The following ROBO2 variants were observed in gnomAD, a reference collection of about 807,000 sequenced individuals.
The protein encoded by ROBO2 is roundabout homolog 2.
Under a neutral mutation model 160.8 loss-of-function variants are expected in ROBO2, and 53 were observed. That is an observed-to-expected ratio of 0.33 (90% CI 0.26 to 0.41). The LOEUF (loss-of-function observed/expected upper bound fraction) is 0.41. ROBO2 is among the 10% of genes least tolerant of loss of function. The probability of loss-of-function intolerance (pLI) is 1.00; values close to 1 mark genes in which losing one functional copy is unlikely to be tolerated. For synonymous variants in ROBO2, 664 were observed against 611.7 expected (o/e 1.09, Z -1.26); for missense variants, 1,577 against 1,722.4 (o/e 0.92, Z 1.49).
chr3:75,958,344 T>C (rs1333360402), intron 2 of ROBO2, among the ~76,000 whole-genome samples: 1 of 151,846 alleles, frequency 6.6e-6, no homozygotes, highest in African/African-American at 2.4e-5. Flanking sequence ...GGCAGCACTC[T>C]TATAGGAATA....
rs1318082985 is a variant in ROBO2, at chr3:76,962,638, C to CAAAA, written c.110-135375_110-135374insAAAA. On this transcript the variant is annotated intron_variant, in intron 2 of 26. Coordinates refer to the ROBO2 transcript ENST00000487694. ...GGGCAACAAGAGTGAAACTCGATCT[C>CAAAA]AGAAAAAAAAAAAAAAAAAAAAGCT... Among the ~76,000 whole-genome samples the CAAAA allele has an allele frequency of 6.8e-3, 343 of 50,132 alleles. 33 individuals are homozygous for CAAAA. Among genetic ancestry groups the CAAAA allele is most frequent in the African/African-American group, 0.014 (121 of 8,704 alleles). 32.9% of individuals were successfully genotyped at this position (50,132 alleles called of 152,430 possible). A position where few individuals can be genotyped will look rare whatever the true frequency, so the allele number is the denominator to read the frequency against.
intron 2 of ROBO2, among the ~76,000 whole-genome samples, chr3:76,815,859 C>G (rs2065625333): frequency 6.6e-6 from 1 of 152,026 alleles, no homozygotes; most frequent in Non-Finnish European, 1.5e-5. Flanking sequence ...CAAGGCTGCA[C>G]TTTTCCAGAG....
chr3:77,130,723 G>A (rs1293559013), intron 2 of ROBO2, among the ~76,000 whole-genome samples: 1 of 151,994 alleles, frequency 6.6e-6, no homozygotes, highest in Non-Finnish European at 1.5e-5. Flanking sequence ...TTCAATGCTT[G>A]GTATATATGT....
At chr3:77,456,482 T>A (rs1164930666) in intron 2 of ROBO2, among the ~76,000 whole-genome samples, 1 of 152,166 alleles carries the variant, frequency 6.6e-6, no homozygotes, top group Non-Finnish European at 1.5e-5. Context: ...GTGCTGGATT[T>A]TGTGTGCAAA....
chr3:77,025,075 G>T (rs1183228833), intron 2 of ROBO2, among the ~76,000 whole-genome samples: 1 of 152,008 alleles, frequency 6.6e-6, no homozygotes, highest in African/African-American at 2.4e-5. Context: ...GAGACAGGGT[G>T]GCTAGCTCCT....
chr3:76,122,225 T>C (rs2070780933), intron 2 of ROBO2, among the ~76,000 whole-genome samples: 1 of 151,924 alleles, frequency 6.6e-6, no homozygotes. Flanking sequence ...AACATGAATG[T>C]TGATTCAGCT....
At chr3:77,053,681 C>A (rs2065436590) in intron 1 of ROBO2, among the ~76,000 whole-genome samples, 1 of 152,096 alleles carries the variant, frequency 6.6e-6, no homozygotes, top group African/African-American at 2.4e-5. Context: ...CCCTCCCTGT[C>A]CCTGAAATCA....
In ROBO2 at chr3:77,624,368, G is replaced by A. The variant is rs145831930; in HGVS notation, c.3760+1936G>A. 3.0e-3 allele frequency among the ~76,000 whole-genome samples: 454 copies of A among 152,192 alleles called. 1 individual carries two copies. The highest frequency in any genetic ancestry group is 0.01 in the African/African-American group (430 of 41,540). ...GTTAGATGTGTGAGTGTATTAGAACGTGGGTGTGGGTGCTTGTGTAGGGAG... is the reference window on the plus strand; with the variant it reads ...GTTAGATGTGTGAGTGTATTAGAACATGGGTGTGGGTGCTTGTGTAGGGAG... On this transcript the variant is annotated intron_variant, in intron 23 of 25. Coordinates refer to ENST00000461745, the Ensembl canonical transcript of ROBO2.
In ROBO2 at chr3:76,338,691, T is replaced by TTA. The variant is rs1382117473; in HGVS notation, c.109+401098_109+401099dup. On this transcript the variant is annotated intron_variant, in intron 2 of 26. Coordinates refer to the ROBO2 transcript ENST00000487694. ...CAAGATCATGCTTCTTTTTTAAAAA[T>TTA]TATATATATAATGCTTATTAATTAT... is the stretch of plus-strand genomic sequence containing the variant. 6.6e-5 allele frequency among the ~76,000 whole-genome samples: 10 copies of TTA among 150,580 alleles called. No homozygotes were observed. In the East Asian group the frequency reaches 1.2e-3, roughly 18 times the overall value.
chr3:76,752,135 T>G (rs1027419480), intron 2 of ROBO2, among the ~76,000 whole-genome samples: 1 of 152,028 alleles, frequency 6.6e-6, no homozygotes, highest in African/African-American at 2.4e-5. Flanking sequence ...AGTTCATGTC[T>G]TTTGTAGGGA....
At chr3:77,613,291 T>C (rs2094692825) in intron 21 of ROBO2, among the ~76,000 whole-genome samples, 1 of 152,102 alleles carries the variant, frequency 6.6e-6, no homozygotes, top group Non-Finnish European at 1.5e-5. Context: ...TTACTACCTA[T>C]GGAGTTTCAG....
At chr3:77,454,786 A>G (rs1030594206) in intron 2 of ROBO2, among the ~76,000 whole-genome samples, 3 of 152,046 alleles carry the variant, frequency 2.0e-5, no homozygotes, top group Non-Finnish European at 4.4e-5. Context: ...CAATTTATTT[A>G]TGTTATTTGT....
At chr3:76,170,203 A>C (rs1202572919) in intron 2 of ROBO2, among the ~76,000 whole-genome samples, 1 of 152,182 alleles carries the variant, frequency 6.6e-6, no homozygotes, top group African/African-American at 2.4e-5. Flanking sequence ...GAATCTTCAC[A>C]TACATGCAGT....
chr3:76,323,931 AG>A (rs1381647640), intron 2 of ROBO2, among the ~76,000 whole-genome samples: 1 of 152,166 alleles, frequency 6.6e-6, no homozygotes, highest in Admixed American at 6.5e-5. Flanking sequence ...TCTCAATAAA[AG>A]TTTTAAGAGA....
At chr3:77,297,592 A>G (rs1433149605) in intron 2 of ROBO2, among the ~76,000 whole-genome samples, 2 of 152,138 alleles carry the variant, frequency 1.3e-5, no homozygotes, top group Non-Finnish European at 2.9e-5. Flanking sequence ...GCCATTGGCT[A>G]CATCAGATTT....
intron 8 of ROBO2, among the ~76,000 whole-genome samples, chr3:77,551,219 GA>G (rs1277205055): frequency 6.6e-6 from 1 of 151,958 alleles, no homozygotes; most frequent in African/African-American, 2.4e-5. Context: ...CTTAAAAATA[GA>G]ATAGTGCATT....
At chr3:76,955,498 T>G (rs1400661697) in intron 2 of ROBO2, among the ~76,000 whole-genome samples, 1 of 152,198 alleles carries the variant, frequency 6.6e-6, no homozygotes, top group African/African-American at 2.4e-5. Flanking sequence ...TGTTTCCACA[T>G]CCTTGCCAAA....
chr3:77,195,729 A>G (rs1046507920), intron 2 of ROBO2, among the ~76,000 whole-genome samples: 2 of 152,244 alleles, frequency 1.3e-5, no homozygotes, highest in Admixed American at 6.5e-5. Context: ...TTGCAAAATT[A>G]TATTACAAGA....
At chr3:76,154,580 T>C (rs115167718) in intron 2 of ROBO2, among the ~76,000 whole-genome samples, 96 of 152,214 alleles carry the variant, frequency 6.3e-4, no homozygotes, top group African/African-American at 2.1e-3. Flanking sequence ...CAGTTCCAGA[T>C]TGGATTATTA....
Sources: allele counts gnomAD v4.1 joint callset (sites outside exome capture counted in the v4.1 genomes callset), GRCh38; gene constraint gnomAD v4.1.1; transcripts MANE v1.5; gene names NCBI Gene and HGNC (gene_info 2026-07-23, HGNC 2026-07-21).